Variants in GLDC observed in about 807,000 individuals in gnomAD.
The protein encoded by GLDC is glycine decarboxylase, also known as glycine dehydrogenase (decarboxylating), mitochondrial.
In GLDC, 104 loss-of-function variants were observed where a neutral mutation model predicts 121.3. The ratio of observed to expected loss-of-function variants is 0.86; its 90% CI spans 0.73 to 1.01. The LOEUF (loss-of-function observed/expected upper bound fraction) is 1.01, where lower values mean the gene tolerates loss of function less well. GLDC is among the 50% of genes least tolerant of loss of function. The pLI, the probability that GLDC is intolerant of heterozygous loss-of-function variation, is 0.00. For synonymous variants in GLDC, 546 were observed against 480.6 expected, an observed-to-expected ratio of 1.14 and a Z score of -1.78; for missense variants, 1,429 against 1,306.6, an observed-to-expected ratio of 1.09 and a Z score of -1.44.
intron 2 of GLDC, among the ~76,000 whole-genome samples, chr9:6,641,345 C>T (rs746054581): frequency 2.0e-5 from 3 of 152,222 alleles, no homozygotes; most frequent in South Asian, 2.1e-4. Context: ...GAAGCTGCTG[C>T]GTTTCCACTG....
intron 10 of GLDC, among the ~76,000 whole-genome samples, chr9:6,592,471 A>T (rs1163058880): frequency 6.6e-6 from 1 of 152,208 alleles, no homozygotes; most frequent in East Asian, 1.9e-4. Context: ...ACTCCTTTTG[A>T]AGCTAGACAT....
Position 6,556,269 on chromosome 9 carries a change from T to C in GLDC, c.2086A>G (p.Met696Val), listed in dbSNP as rs371447782. 9 of 1,613,514 alleles carry C rather than the reference T, an allele frequency of 5.6e-6. No homozygotes were observed. Among genetic ancestry groups the C allele is most frequent in the African/African-American group, 4.0e-5 (3 of 74,900 alleles). Residue 696 changes from methionine (M) to valine (V), a missense_variant, in exon 18 of 25, where the codon ATG becomes GTG. Physicochemically the swap from Met to Val is conservative, Grantham distance 21. Coordinates refer to ENST00000321612, the MANE Select transcript of GLDC (RefSeq NM_000170.3). ...DKHKENLAAI[M>V]ITYPSTNGVF... ...CCATTGGTGGATGGGTATGTAATCA[T>C]GATAGCTGCTAGGTTCTCCTTGTGC...
chr9:6,629,929 C>CTATATATATATATGTGTATATA (rs60994714), intron 2 of GLDC, among the ~76,000 whole-genome samples: 2 of 102,168 alleles, frequency 2.0e-5, no homozygotes, highest in African/African-American at 9.5e-5. Flanking sequence ...TTGCTTTTCA[C>CTATATATATATATGTGTATATA]TATATATATA....
intron 21 of GLDC, among the ~76,000 whole-genome samples, chr9:6,543,750 G>C (rs982038417): frequency 2.0e-5 from 3 of 152,050 alleles, no homozygotes; most frequent in Non-Finnish European, 4.4e-5. Context: ...CCTGCTATAG[G>C]GCAATGTTGG....
At chr9:6,566,670 G>A (rs1030169071) in intron 15 of GLDC, among the ~76,000 whole-genome samples, 8 of 152,080 alleles carry the variant, frequency 5.3e-5, no homozygotes, top group Admixed American at 2.0e-4. Flanking sequence ...CCAGTACCCT[G>A]TGCAGGAAGG....
intron 15 of GLDC, among the ~76,000 whole-genome samples, chr9:6,572,488 A>G (rs1430750428): frequency 2.6e-5 from 4 of 152,146 alleles, no homozygotes; most frequent in African/African-American, 7.2e-5. Flanking sequence ...GTGTGAGTCT[A>G]TGGGAGAGAC....
At chr9:6,616,383 T>C (rs1020837240) in intron 3 of GLDC, among the ~76,000 whole-genome samples, 4 of 152,230 alleles carry the variant, frequency 2.6e-5, no homozygotes, top group African/African-American at 7.2e-5. Context: ...TTTAAAATTG[T>C]TGTCTTGCAA....
At position 6,645,725 on chromosome 9, in the gene GLDC, A is replaced by T. The variant is rs1030955935; in HGVS notation, c.-226T>A. The T allele has an allele frequency of 3.5e-6, 1 of 282,658 alleles. No individual in the cohort carries two copies. The highest frequency in any genetic ancestry group is 6.5e-6 in the Non-Finnish European group (1 of 154,846). 17.5% of individuals were successfully genotyped at this position (282,658 alleles called of 1,614,324 possible). On this transcript the variant is annotated 5_prime_UTR_variant, in exon 1 of 25. Transcript: ENST00000321612. ...TCCACCCAAGGCACCTGCTCCGCAC[A>T]CTTTAAGCGGCGCCCTGGAGGCGGG... is the stretch of plus-strand genomic sequence containing the variant.
intron 2 of GLDC, among the ~76,000 whole-genome samples, chr9:6,634,993 G>GC (rs1185552698): frequency 6.6e-6 from 1 of 152,130 alleles, no homozygotes; most frequent in African/African-American, 2.4e-5. Flanking sequence ...CCCATACCTT[G>GC]TTTTTCATGT....
rs192045547 is a variant in GLDC at position 6,556,174 on chromosome 9, G to T, written c.2181C>A (p.Asp727Glu). ...IHQHGGQVYL[D>E]GANMNAQVGI... ...CCACCTGAGCATTCATATTTGCCCC[G>T]TCTAGGTAGACCTGTCCTCCATGTT... is the stretch of plus-strand genomic sequence containing the variant. Residue 727 changes from aspartate (D) to glutamate (E), a missense_variant, in exon 18 of 25, where the codon GAC (aspartate) becomes GAA (glutamate). Transcript: ENST00000321612. 6.2e-7 allele frequency: 1 copy of T among 1,612,706 alleles called. No homozygotes were observed. The highest frequency in any genetic ancestry group is 8.5e-7 in the Non-Finnish European group (1 of 1,179,364).
At chr9:6,634,959 G>T (rs1005518500) in intron 2 of GLDC, among the ~76,000 whole-genome samples, 1 of 151,970 alleles carries the variant, frequency 6.6e-6, no homozygotes, top group African/African-American at 2.4e-5. Flanking sequence ...ATCCCTTTTG[G>T]CTCTGAGCCC....
chr9:6,630,409 G>A (rs57848742), intron 2 of GLDC, among the ~76,000 whole-genome samples: 2,831 of 152,236 alleles, frequency 0.019, 100 homozygotes, highest in African/African-American at 0.064. Context: ...GGGGAGCCCA[G>A]CCAGCAGCGC....
intron 3 of GLDC, among the ~76,000 whole-genome samples, chr9:6,611,505 G>C (rs538692013): frequency 6.6e-6 from 1 of 150,454 alleles, no homozygotes; most frequent in East Asian, 2.0e-4. Context: ...GCAGTGAGCT[G>C]AGATCACGCC....
chr9:6,555,443 T>A (rs887261015), intron 18 of GLDC, among the ~76,000 whole-genome samples: 3 of 151,470 alleles, frequency 2.0e-5, no homozygotes, highest in African/African-American at 7.3e-5. Context: ...GTGAAATGAA[T>A]GAGAACCAAA....
chr9:6,588,784 G>A (rs1818319791), intron 12 of GLDC, 82 bp from the exon 13 acceptor site: 16 of 855,336 alleles, frequency 1.9e-5, no homozygotes, highest in Admixed American at 7.0e-5. Flanking sequence ...AAGACACACC[G>A]AAATCTACTT....
At chr9:6,590,778 A>T (rs1189912077) in intron 11 of GLDC, among the ~76,000 whole-genome samples, 1 of 152,214 alleles carries the variant, frequency 6.6e-6, no homozygotes, top group Non-Finnish European at 1.5e-5. Context: ...CATGAACCAA[A>T]TATCTGTGAT....
intron 2 of GLDC, among the ~76,000 whole-genome samples, chr9:6,631,647 C>A (rs1188402545): frequency 6.6e-6 from 1 of 152,174 alleles, no homozygotes; most frequent in East Asian, 1.9e-4. Context: ...ATTTGTTTTC[C>A]CTCTTTGCTG....
At chr9:6,620,422 A>T in intron 2 of GLDC, 103 bp from the exon 3 acceptor site, 1 of 993,402 alleles carries the variant, frequency 1.0e-6, no homozygotes, top group Non-Finnish European at 1.6e-6. Context: ...TGACAGAATA[A>T]CTATATGGAA....
chr9:6,602,318 T>A (rs1818631887), intron 7 of GLDC, 113 bp from the exon 8 acceptor site: 1 of 729,850 alleles, frequency 1.4e-6, no homozygotes, highest in Non-Finnish European at 2.5e-6. Context: ...CAAATGCACT[T>A]GGGTGCAAAT....
Sources: gnomAD v4.1 joint callset for allele counts (sites outside exome capture counted in the v4.1 genomes callset) on GRCh38, gnomAD v4.1.1 for gene constraint, MANE v1.5 for transcripts, NCBI Gene and HGNC (gene_info 2026-07-23, HGNC 2026-07-21) for gene names.